Variants in FBXL4 observed in about 807,000 individuals in gnomAD.
FBXL4 encodes F-box and leucine rich repeat protein 4, also known as F-box/LRR-repeat protein 4.
FBXL4 carries 40 observed loss-of-function variants against 58.9 expected under a neutral mutation model. That is an observed-to-expected ratio of 0.68 (90% confidence interval 0.53 to 0.88). The LOEUF (loss-of-function observed/expected upper bound fraction) is 0.88. FBXL4 is among the 40% of genes least tolerant of loss of function. FBXL4 has a pLI of 0.00. For synonymous variants in FBXL4, 263 were observed against 265.5 expected (o/e 0.99, Z 0.09); for missense variants, 676 against 734.4 (o/e 0.92, Z 0.92).
chr6:98,940,533 T>C (rs1773395951), intron 1 of FBXL4, among the ~76,000 whole-genome samples: 1 of 152,216 alleles, frequency 6.6e-6, no homozygotes, highest in Non-Finnish European at 1.5e-5. Flanking sequence ...TTAATTTGAA[T>C]TTCTTAATTG....
At chr6:98,909,834 T>C (rs1448500755) in intron 5 of FBXL4, among the ~76,000 whole-genome samples, 1 of 152,216 alleles carries the variant, frequency 6.6e-6, no homozygotes, top group Non-Finnish European at 1.5e-5. Context: ...ACATGAGGTC[T>C]GGGTGGGATC....
chr6:98,885,315 T>C (rs1189172428), intron 7 of FBXL4, among the ~76,000 whole-genome samples: 1 of 152,226 alleles, frequency 6.6e-6, no homozygotes, highest in Non-Finnish European at 1.5e-5. Flanking sequence ...TTGGCCAGGA[T>C]GGTCTCGACC....
At chr6:98,926,100 T>C (rs911126036) in intron 4 of FBXL4, among the ~76,000 whole-genome samples, 1 of 152,184 alleles carries the variant, frequency 6.6e-6, no homozygotes, top group Non-Finnish European at 1.5e-5. Flanking sequence ...CACAGGCCTA[T>C]TGTGAGTTGT....
rs894025830 is a variant in FBXL4, at chr6:98,868,971, C to T, written c.*5307G>A. On this transcript the variant is annotated 3_prime_UTR_variant, in exon 10 of 10. Coordinates refer to ENST00000369244, the MANE Select transcript of FBXL4 (RefSeq NM_001278716.2). ...GCCAAAGGAATAATCTTGGCCCCAT[C>T]CCTACTTATAAAAAATATATAATAA... The T allele has an allele frequency of 9.2e-5, 14 of 152,144 alleles. No homozygotes were observed. The highest frequency in any genetic ancestry group is 3.4e-4 in the African/African-American group (14 of 41,426). 9.4% of individuals were successfully genotyped at this position (152,144 alleles called of 1,614,324 possible).
intron 1 of FBXL4, among the ~76,000 whole-genome samples, chr6:98,947,060 G>A (rs1773646870): frequency 6.6e-6 from 1 of 152,218 alleles, no homozygotes; most frequent in Non-Finnish European, 1.5e-5. Flanking sequence ...GTGCCCTCCG[G>A]AGCACAAAGC....
Position 98,869,063 on chromosome 6 carries a change from T to G in FBXL4, c.*5215A>C, listed in dbSNP as rs574075802. 6.6e-6 allele frequency: 1 copy of G among 152,314 alleles called. No individual in the cohort carries two copies. The highest frequency in any genetic ancestry group is 1.5e-5 in the Non-Finnish European group (1 of 68,038). The allele number at this position is 152,314 out of a possible 1,614,324, so 9.4% of individuals were successfully genotyped here. ...TGAGCTATTGCCAAAAAAATGATTC[T>G]AACAGTTATGGTTTTACACTCACAG... On this transcript the variant is annotated 3_prime_UTR_variant, in exon 10 of 10. Transcript: ENST00000369244.
chr6:98,905,427 T>C lies in FBXL4; in HGVS notation c.1102A>G (p.Arg368Gly). 1 of 1,613,998 alleles carries C rather than the reference T, an allele frequency of 6.2e-7. No homozygotes were observed. The change falls in exon 6 of 10, where the codon AGG (arginine) becomes GGG (glycine). Residue 368 changes from arginine (R) to glycine (G), a missense_variant and splice_region_variant. Physicochemically the swap from Arg to Gly is moderately radical, Grantham distance 125. Transcript: ENST00000369244. Reference sequence around the variant, plus strand: ...ACTTCATCAAGGCTTTGTACTAACCTGCTAAATCCTGCAACAGAGATGAAG... The same window carrying C: ...ACTTCATCAAGGCTTTGTACTAACCCGCTAAATCCTGCAACAGAGATGAAG... ...RGFISVAGFS[R>G]FLKVCGSELV...
rs1770421926 is a variant in FBXL4 at position 98,868,878 on chromosome 6, C to T, written c.*5400G>A. 1 of 152,148 alleles carries T rather than the reference C, an allele frequency of 6.6e-6. No individual in the cohort carries two copies. The highest frequency in any genetic ancestry group is 6.5e-5 in the Admixed American group (1 of 15,276). The allele number at this position is 152,148 out of a possible 1,614,324, so 9.4% of individuals were successfully genotyped here. A position where few individuals can be genotyped will look rare whatever the true frequency, so the allele number is the denominator to read the frequency against. Reference sequence around the variant, plus strand: ...AGTCAAATATACCTTTAACAGTATTCATATGCACAAAATTTAAGCCAAATA... The same window carrying T: ...AGTCAAATATACCTTTAACAGTATTTATATGCACAAAATTTAAGCCAAATA... On this transcript the variant is annotated 3_prime_UTR_variant, in exon 10 of 10. Transcript: ENST00000369244.
chr6:98,935,279 A>C (rs1318809141), intron 1 of FBXL4, among the ~76,000 whole-genome samples: 1 of 150,274 alleles, frequency 6.7e-6, no homozygotes, highest in Non-Finnish European at 1.5e-5. Context: ...TTTTAAGTAG[A>C]GCTATAGGAT....
intron 7 of FBXL4, among the ~76,000 whole-genome samples, chr6:98,895,820 G>C (rs945220775): frequency 5.3e-5 from 8 of 152,100 alleles, no homozygotes; most frequent in Non-Finnish European, 1.2e-4. Flanking sequence ...TCTAAGTCTT[G>C]TAAAATGGCA....
chr6:98,882,887 C>G (rs1003043615), intron 7 of FBXL4, among the ~76,000 whole-genome samples: 1 of 151,952 alleles, frequency 6.6e-6, no homozygotes, highest in Admixed American at 6.6e-5. Flanking sequence ...CCATTACAAA[C>G]AGTGTTAGAA....
At position 98,926,836 on chromosome 6, in the gene FBXL4, T is replaced by C. The variant is rs1772800600; in HGVS notation, c.153A>G (p.Val51=). The change falls in exon 4 of 10, where the codon GTA becomes GTG. Residue 51 remains valine, a synonymous_variant. Coordinates refer to ENST00000369244, the MANE Select transcript of FBXL4 (RefSeq NM_001278716.2). ...CCACTACTTCTTTGGCATACTGGAC[T>C]ACCTCTGCATTGAGAGGGGAAGTCT... is the stretch of plus-strand genomic sequence containing the variant. ...NSQTSPLNAE[V]VQYAKEVVDF... The C allele has an allele frequency of 1.9e-6, 3 of 1,614,100 alleles. No individual in the cohort carries two copies. Among genetic ancestry groups the C allele is most frequent in the Non-Finnish European group, 2.5e-6 (3 of 1,180,042 alleles).
At chr6:98,917,315 TAA>T in intron 5 of FBXL4, 57 bp downstream of exon 5, 1 of 1,159,500 alleles carries the variant, frequency 8.6e-7, no homozygotes, top group South Asian at 1.8e-5. Context: ...CATTAATATC[TAA>T]AGATTAAAAA....
intron 5 of FBXL4, among the ~76,000 whole-genome samples, chr6:98,908,781 ATTTC>A (rs964263093): frequency 3.3e-5 from 5 of 152,030 alleles, no homozygotes; most frequent in African/African-American, 1.2e-4. Context: ...TTGTCGATAC[ATTTC>A]CCACTATCCT....
At chr6:98,943,786 G>A (rs929872615) in intron 1 of FBXL4, among the ~76,000 whole-genome samples, 2 of 151,992 alleles carry the variant, frequency 1.3e-5, no homozygotes, top group Non-Finnish European at 1.5e-5. Flanking sequence ...CTGACAGAGA[G>A]GCAAAAGTCA....
At position 98,926,969 on chromosome 6, in the gene FBXL4, A is replaced by G. The variant is rs772196265; in HGVS notation, c.20T>C (p.Met7Thr). 1.9e-6 allele frequency: 3 copies of G among 1,613,912 alleles called. No homozygotes were observed. The highest frequency in any genetic ancestry group is 3.3e-5 in the Admixed American group (2 of 60,008). Residue 7 changes from methionine (M) to threonine (T), a missense_variant, in exon 4 of 10, where the codon ATG becomes ACG. Met to Thr is a moderately conservative substitution (Grantham distance 81). Coordinates refer to ENST00000369244, the MANE Select transcript of FBXL4 (RefSeq NM_001278716.2). The part of the protein sequence containing the change: MSPVFP[M>T]LTVLTMFYYI... The stretch of plus-strand genomic sequence containing the variant: ...ATAAAACATGGTCAGAACTGTTAAC[A>G]TGGGAAAGACCGGTGACATCTAGAT...
At chr6:98,931,300 G>A (rs1237881405) in intron 2 of FBXL4, among the ~76,000 whole-genome samples, 1 of 152,166 alleles carries the variant, frequency 6.6e-6, no homozygotes, top group Non-Finnish European at 1.5e-5. Flanking sequence ...AATATCAAAA[G>A]CAAGACTGTC....
intron 1 of FBXL4, among the ~76,000 whole-genome samples, chr6:98,937,489 A>G (rs1166752933): frequency 2.0e-5 from 3 of 152,202 alleles, no homozygotes; most frequent in African/African-American, 7.2e-5. Context: ...AAGAGAAAAT[A>G]TATTGACTAC....
chr6:98,897,295 T>C (rs1319225830), intron 7 of FBXL4: 1 of 985,126 alleles, frequency 1.0e-6, no homozygotes, highest in African/African-American at 1.7e-5. Context: ...AAAAGATAGC[T>C]AGCAATTTTA....
Sources: allele counts gnomAD v4.1 joint callset (sites outside exome capture counted in the v4.1 genomes callset), GRCh38; gene constraint gnomAD v4.1.1; transcripts MANE v1.5; gene names NCBI Gene and HGNC (gene_info 2026-07-23, HGNC 2026-07-21).